The following TENM3 variants were observed in gnomAD, a reference collection of about 807,000 sequenced individuals.
TENM3 encodes teneurin-3.
Under a neutral mutation model 255.1 loss-of-function variants are expected in TENM3, and 63 were observed. The observed-to-expected ratio is 0.25, with a 90% CI of 0.20 to 0.30. The LOEUF (loss-of-function observed/expected upper bound fraction) is 0.30. Among genes scored for constraint, TENM3 ranks in the 10% least tolerant of loss-of-function variants. The pLI, the probability that TENM3 is intolerant of heterozygous loss-of-function variation, is 1.00. For missense variants in TENM3, 2,929 were observed against 3,461.1 expected (o/e 0.85, Z 3.86); for synonymous variants, 1,306 against 1,322.3 (o/e 0.99, Z 0.27).
At chr4:181,466,267 A>G in the TENM3 span, among the ~76,000 whole-genome samples, 1 of 151,746 alleles carries the variant, frequency 6.6e-6, no homozygotes, top group Non-Finnish European at 1.5e-5. Flanking sequence ...ACAGGCATGC[A>G]ACACCACACC....
chr4:181,622,807 A>G, the TENM3 span, among the ~76,000 whole-genome samples: 3,837 of 152,194 alleles, frequency 0.025, 66 homozygotes, highest in Admixed American at 0.06. Flanking sequence ...AACCTTCCAC[A>G]TTCCCTTTCT....
intron 26 of TENM3, 34 bp from the exon 27 acceptor site, chr4:182,796,603 C>A: frequency 6.5e-7 from 1 of 1,545,984 alleles, no homozygotes; most frequent in Non-Finnish European, 8.7e-7. Flanking sequence ...AAAACAAACT[C>A]CAACACCTTT....
At position 182,387,937 on chromosome 4, in the gene TENM3, C is replaced by CAAA. The variant is rs5864781; in HGVS notation, c.511+41023_511+41025dup. On this transcript the variant is annotated intron_variant, in intron 3 of 27. Transcript: ENST00000511685. The stretch of plus-strand genomic sequence containing the variant: ...TCTGGTTTCTAAGGGGTGATAATTG[C>CAAA]AAAAAAAAAAAAAAAAACCAACAAA... Among the ~76,000 whole-genome samples the CAAA allele has an allele frequency of 5.4e-3, 732 of 136,716 alleles. 10 individuals are homozygous for CAAA. The highest frequency in any genetic ancestry group is 0.019 in the African/African-American group (698 of 37,018). 89.7% of individuals were successfully genotyped at this position (136,716 alleles called of 152,430 possible).
At chr4:182,413,768 A>G (rs1410041949) in intron 3 of TENM3, among the ~76,000 whole-genome samples, 1 of 152,158 alleles carries the variant, frequency 6.6e-6, no homozygotes, top group African/African-American at 2.4e-5. Context: ...CTAAACTACC[A>G]CTTCAGGTAT....
At chr4:182,145,699 A>G (rs1332394585) in intron 1 of TENM3, among the ~76,000 whole-genome samples, 1 of 152,232 alleles carries the variant, frequency 6.6e-6, no homozygotes, top group East Asian at 1.9e-4. Context: ...GTTTCCAGGT[A>G]CGTGTGAGGA....
At chr4:182,472,555 T>C (rs1733231048) in intron 3 of TENM3, among the ~76,000 whole-genome samples, 1 of 152,218 alleles carries the variant, frequency 6.6e-6, no homozygotes. Context: ...TACATAGTGA[T>C]CTTCAAACTT....
chr4:182,056,333 G>T, the TENM3 span, among the ~76,000 whole-genome samples: 2 of 152,132 alleles, frequency 1.3e-5, no homozygotes, highest in African/African-American at 4.8e-5. Flanking sequence ...GTCTTCCCGT[G>T]TCCAGTAAGA....
chr4:182,521,978 G>A (rs539164214), intron 3 of TENM3, among the ~76,000 whole-genome samples: 3 of 152,252 alleles, frequency 2.0e-5, no homozygotes, highest in East Asian at 1.9e-4. Context: ...CTTATATGAC[G>A]TTCTAACTCA....
At chr4:182,360,909 C>T (rs1350760269) in intron 3 of TENM3, among the ~76,000 whole-genome samples, 1 of 152,096 alleles carries the variant, frequency 6.6e-6, no homozygotes, top group Non-Finnish European at 1.5e-5. Flanking sequence ...TCTTTTAGGG[C>T]AGGCCTGGTG....
At chr4:182,078,129 G>A in the TENM3 span, among the ~76,000 whole-genome samples, 1 of 152,158 alleles carries the variant, frequency 6.6e-6, no homozygotes, top group Admixed American at 6.5e-5. Flanking sequence ...GGGAGTCTGA[G>A]GTGGGAGGAT....
chr4:181,678,507 C>T, the TENM3 span, among the ~76,000 whole-genome samples: 1 of 152,052 alleles, frequency 6.6e-6, no homozygotes, highest in Non-Finnish European at 1.5e-5. Flanking sequence ...GATGAGGGAA[C>T]ATGTCTGTTT....
At chr4:182,150,935 T>C (rs1461393103) in intron 1 of TENM3, among the ~76,000 whole-genome samples, 3 of 152,086 alleles carry the variant, frequency 2.0e-5, no homozygotes, top group Non-Finnish European at 4.4e-5. Context: ...TGGTTCTCTG[T>C]TCCCTCCCCC....
At chr4:182,086,577 G>A in the TENM3 span, among the ~76,000 whole-genome samples, 2 of 152,118 alleles carry the variant, frequency 1.3e-5, no homozygotes, top group Admixed American at 6.6e-5. Context: ...CATTTTATGG[G>A]CTTTTTGTAG....
At chr4:181,489,115 T>C in the TENM3 span, among the ~76,000 whole-genome samples, 1 of 152,358 alleles carries the variant, frequency 6.6e-6, no homozygotes, top group African/African-American at 2.4e-5. Flanking sequence ...CTGTAGGCAA[T>C]GGCACTGCAA....
At chr4:181,450,689 C>T in the TENM3 span, among the ~76,000 whole-genome samples, 1 of 152,188 alleles carries the variant, frequency 6.6e-6, no homozygotes, top group African/African-American at 2.4e-5. Flanking sequence ...CAACCTTCCT[C>T]AGTAGAAGGC....
chr4:182,755,442 T>C, intron 22 of TENM3, 183 bp downstream of exon 22: 1 of 575,748 alleles, frequency 1.7e-6, no homozygotes, highest in South Asian at 2.5e-5. Flanking sequence ...CTGGGGAGGC[T>C]GAGACGGGAG....
chr4:182,330,623 A>G (rs1200782427), intron 2 of TENM3, among the ~76,000 whole-genome samples: 3 of 152,232 alleles, frequency 2.0e-5, no homozygotes, highest in Non-Finnish European at 4.4e-5. Flanking sequence ...TAAATGAAAG[A>G]TACTTAGGTA....
At chr4:181,957,223 A>G in the TENM3 span, among the ~76,000 whole-genome samples, 2 of 152,188 alleles carry the variant, frequency 1.3e-5, no homozygotes, top group African/African-American at 4.8e-5. Context: ...TCTCTCGGCC[A>G]TAGAGCACTA....
At chr4:182,417,795 C>G (rs1418985538) in intron 3 of TENM3, among the ~76,000 whole-genome samples, 2 of 152,104 alleles carry the variant, frequency 1.3e-5, no homozygotes, top group African/African-American at 4.8e-5. Context: ...GAAGATAAAG[C>G]CAGGAAGAGC....
Sources: gnomAD v4.1 joint callset for allele counts (sites outside exome capture counted in the v4.1 genomes callset) on GRCh38, gnomAD v4.1.1 for gene constraint, MANE v1.5 for transcripts, NCBI Gene and HGNC (gene_info 2026-07-23, HGNC 2026-07-21) for gene names.